Variants in VPS28 observed in about 807,000 individuals in gnomAD.
VPS28 encodes the protein vacuolar protein sorting-associated protein 28 homolog.
A neutral mutation model predicts 33.7 loss-of-function variants in VPS28; 29 were observed. That is an observed-to-expected ratio of 0.86 (90% CI 0.64 to 1.17). The LOEUF (loss-of-function observed/expected upper bound fraction) is 1.17. VPS28 is among the 50% of genes most tolerant of loss of function. VPS28 has a pLI of 0.00. For missense variants in VPS28, 247 were observed against 312.2 expected, an observed-to-expected ratio of 0.79 and a Z score of 1.57; for synonymous variants, 164 against 116.7, an observed-to-expected ratio of 1.40 and a Z score of -2.61.
chr8:144,425,102 C>A, intron 5 of VPS28, 51 bp from the exon 6 acceptor site: 2 of 1,495,400 alleles, frequency 1.3e-6, no homozygotes, highest in South Asian at 2.4e-5. Flanking sequence ...CCACCCAGCT[C>A]ATCCTACCCC....
In VPS28 at chr8:144,423,930, T is replaced by G; in HGVS notation, c.549-8A>C. 1.2e-6 allele frequency: 2 copies of G among 1,612,964 alleles called. No individual in the cohort carries two copies. Among genetic ancestry groups the G allele is most frequent in the Non-Finnish European group, 8.5e-7 (1 of 1,179,966 alleles). On this transcript the variant is annotated splice_polypyrimidine_tract_variant and splice_region_variant and intron_variant, in intron 9 of 9. Transcript: ENST00000292510. Reference sequence around the variant, plus strand: ...CCGCTCAGGGTCTGCAGCCTGGGAGTGCAGCACAGGGCATGTGGGGGCTGA... The same window carrying G: ...CCGCTCAGGGTCTGCAGCCTGGGAGGGCAGCACAGGGCATGTGGGGGCTGA...
At position 144,423,924 on chromosome 8, in the gene VPS28, T is replaced by C; in HGVS notation, c.549-2A>G. The C allele has an allele frequency of 6.2e-7, 1 of 1,613,080 alleles. No homozygotes were observed. Among genetic ancestry groups the C allele is most frequent in the East Asian group, 2.2e-5 (1 of 44,886 alleles). ...GACATGCCGCTCAGGGTCTGCAGCCTGGGAGTGCAGCACAGGGCATGTGGG... is the reference window on the plus strand; with the variant it reads ...GACATGCCGCTCAGGGTCTGCAGCCCGGGAGTGCAGCACAGGGCATGTGGG... On this transcript the variant is annotated splice_acceptor_variant, in intron 9 of 9. Transcript: ENST00000292510. LOFTEE classifies it high-confidence loss of function.
At chr8:144,425,397 G>A in intron 5 of VPS28, 1 of 564,208 alleles carries the variant, frequency 1.8e-6, no homozygotes. Context: ...CCCCCCAAAA[G>A]ATCCTGGGAC....
rs189637869 is a variant in VPS28 at position 144,424,655 on chromosome 8, G to A, written c.402+63C>T. ...TCTGGAGGCCCAGGACCCTACGCTC[G>A]TGCCCAGCTGCAGCAGGCAGCCTCG... is the stretch of plus-strand genomic sequence containing the variant. On this transcript the variant is annotated intron_variant, in intron 7 of 9. Transcript: ENST00000292510. 3.3e-5 allele frequency: 52 copies of A among 1,557,884 alleles called. No individual in the cohort carries two copies. In the East Asian group the frequency reaches 5.6e-4, roughly 17 times the overall value.
chr8:144,425,193 G>A (rs1469231640), intron 5 of VPS28, 142 bp from the exon 6 acceptor site: 3 of 708,580 alleles, frequency 4.2e-6, no homozygotes, highest in African/African-American at 1.8e-5. Flanking sequence ...AGGAGGGGCT[G>A]CTAGTAGCTT....
At chr8:144,424,521 C>A (rs567985123) in intron 7 of VPS28, 197 bp downstream of exon 7, 2 of 790,078 alleles carry the variant, frequency 2.5e-6, no homozygotes, top group African/African-American at 1.7e-5. Flanking sequence ...CTGTGCTCAT[C>A]CCCCCGACAG....
intron 2 of VPS28, 25 bp downstream of exon 2, chr8:144,426,884 C>T: frequency 1.9e-6 from 3 of 1,611,872 alleles, no homozygotes; most frequent in Non-Finnish European, 2.5e-6. Flanking sequence ...CGGCTGAAAG[C>T]CTGCGCCCTT....
rs115989365 is a variant in VPS28 at position 144,425,741 on chromosome 8, C to G, written c.136G>C (p.Val46Leu). The change falls in exon 5 of 10, where the codon GTG (valine) becomes CTG (leucine). Residue 46 changes from valine (V) to leucine (L), a missense_variant. By Grantham distance (32) the Val-to-Leu change is conservative. Transcript: ENST00000292510. Reference sequence around the variant, plus strand: ...TTCTCCAGGGCTTGCATTGTCTTCACCACCGCAAACAGCTCTGCCATGTTG... The same window carrying G: ...TTCTCCAGGGCTTGCATTGTCTTCAGCACCGCAAACAGCTCTGCCATGTTG... ...YDNMAELFAVVKTMQALEKAY... is the reference protein window; with the variant it reads ...YDNMAELFAVLKTMQALEKAY... 6.2e-7 allele frequency: 1 copy of G among 1,613,958 alleles called. No individual in the cohort carries two copies. The highest frequency in any genetic ancestry group is 8.5e-7 in the Non-Finnish European group (1 of 1,179,942).
Position 144,423,622 on chromosome 8 carries a change from T to C in VPS28, c.*183A>G. 1.3e-6 allele frequency: 1 copy of C among 749,560 alleles called. No individual in the cohort carries two copies. The highest frequency in any genetic ancestry group is 2.7e-5 in the East Asian group (1 of 37,146). The allele number at this position is 749,560 out of a possible 1,614,324, so 46.4% of individuals were successfully genotyped here. A position where few individuals can be genotyped will look rare whatever the true frequency, so the allele number is the denominator to read the frequency against. Reference sequence around the variant, plus strand: ...TGGGGGAGCCACCCAAGCAGGAAGGTCGGAGAGCATCTTTATTGTGGGGAG... The same window carrying C: ...TGGGGGAGCCACCCAAGCAGGAAGGCCGGAGAGCATCTTTATTGTGGGGAG... On this transcript the variant is annotated 3_prime_UTR_variant, in exon 10 of 10. Transcript: ENST00000292510.
Position 144,424,074 on chromosome 8 carries a change from G to T in VPS28, c.515C>A (p.Pro172His), listed in dbSNP as rs1276042230. 3 of 1,565,578 alleles carry T rather than the reference G, an allele frequency of 1.9e-6. No individual in the cohort carries two copies. The highest frequency in any genetic ancestry group is 1.4e-5 in the African/African-American group (1 of 74,072). ...GACCGTCTGGCGGCCCTCAAAGTCG[G>T]GTGGGAGGTGGCTCATGCGGTGCAT... ...ETMHRMSHLPPDFEGRQTVSQ... is the reference protein window; with the variant it reads ...ETMHRMSHLPHDFEGRQTVSQ... The change falls in exon 9 of 10, where the codon CCC becomes CAC. Residue 172 changes from proline to histidine, a missense_variant. By Grantham distance (77) the Pro-to-His change is moderately conservative. Transcript: ENST00000292510.
In VPS28 at chr8:144,423,686, C is replaced by T. The variant is rs1428975295; in HGVS notation, c.*119G>A. 3.8e-6 allele frequency: 5 copies of T among 1,327,250 alleles called. No homozygotes were observed. The South Asian group carries it at 6.5e-5, about 17-fold the overall frequency. 82.2% of individuals were successfully genotyped at this position (1,327,250 alleles called of 1,614,324 possible). ...AAAGTTCTGACACCAAAGACAGACA[C>T]CAGACAGGCAGCTGCAGACAGTGAG... On this transcript the variant is annotated 3_prime_UTR_variant, in exon 10 of 10. Coordinates refer to ENST00000292510, the MANE Select transcript of VPS28 (RefSeq NM_016208.4).
At chr8:144,424,916 C>T in intron 6 of VPS28, 30 bp downstream of exon 6, 1 of 1,605,054 alleles carries the variant, frequency 6.2e-7, no homozygotes, top group Non-Finnish European at 8.5e-7. Context: ...ACAGTCTCGC[C>T]CCATGGGGGT....
chr8:144,424,195 T>G lies in VPS28; in HGVS notation c.456+20A>C. 1 of 1,582,330 alleles carries G rather than the reference T, an allele frequency of 6.3e-7. No homozygotes were observed. The highest frequency in any genetic ancestry group is 8.6e-7 in the Non-Finnish European group (1 of 1,163,160). ...TCCATCCCCTCCTGCCTAGGCCCCC[T>G]GCCAGCCCAATACCCGCACCTCATC... On this transcript the variant is annotated intron_variant, in intron 8 of 9. Coordinates refer to ENST00000292510, the MANE Select transcript of VPS28 (RefSeq NM_016208.4).
intron 5 of VPS28, 163 bp downstream of exon 5, chr8:144,425,520 C>T: frequency 1.5e-6 from 1 of 686,728 alleles, no homozygotes; most frequent in Non-Finnish European, 2.4e-6. Flanking sequence ...CCCTCACCAG[C>T]CCCCAGGACT....
In VPS28 at chr8:144,423,700, GCAGA is replaced by G; in HGVS notation, c.*101_*104del. 1 of 1,418,350 alleles carries G rather than the reference GCAGA, an allele frequency of 7.1e-7. No individual in the cohort carries two copies. The highest frequency in any genetic ancestry group is 1.2e-5 in the South Asian group (1 of 82,250). The allele number at this position is 1,418,350 out of a possible 1,614,324, so 87.9% of individuals were successfully genotyped here. ...AAAGACAGACACCAGACAGGCAGCT[GCAGA>G]CAGTGAGTTGTGTGGATGACCACGG... On this transcript the variant is annotated 3_prime_UTR_variant, in exon 10 of 10. Transcript: ENST00000292510.
rs1564719521 is a variant in VPS28, at chr8:144,425,778, GAC to G, written c.105-8_105-7del. 1.2e-6 allele frequency: 2 copies of G among 1,613,706 alleles called. No individual in the cohort carries two copies. Among genetic ancestry groups the G allele is most frequent in the African/African-American group, 2.7e-5 (2 of 74,922 alleles). On this transcript the variant is annotated splice_region_variant and splice_polypyrimidine_tract_variant and intron_variant, in intron 4 of 9. Coordinates refer to ENST00000292510, the MANE Select transcript of VPS28 (RefSeq NM_016208.4). ...GCTCTGCCATGTTGTCGTACCTGAGGACACACCTGTCTATCGGGCCAGGCCCC... is the reference window on the plus strand; with the variant it reads ...GCTCTGCCATGTTGTCGTACCTGAGGACACCTGTCTATCGGGCCAGGCCCC...
chr8:144,426,554 G>A, intron 2 of VPS28: 1 of 433,702 alleles, frequency 2.3e-6, no homozygotes, highest in Non-Finnish European at 4.2e-6. Flanking sequence ...TGGCTCCCTG[G>A]CGGAGTCACC....
Position 144,424,085 on chromosome 8 carries a change from G to C in VPS28, c.504C>G (p.Ser168Arg), listed in dbSNP as rs1361363582. Residue 168 changes from serine to arginine, a missense_variant, in exon 9 of 10, where the codon AGC (serine) becomes AGG (arginine). This residue lies in a region of VPS28 where 95 missense variants were observed against 118.3 expected (regional missense o/e 0.80). Transcript: ENST00000292510. ...RELMETMHRM[S>R]HLPPDFEGRQ... The stretch of plus-strand genomic sequence containing the variant: ...GGCCCTCAAAGTCGGGTGGGAGGTG[G>C]CTCATGCGGTGCATGGTCTCCATCA... 1.9e-6 allele frequency: 3 copies of C among 1,561,656 alleles called. 1 individual carries two copies. In the African/African-American group the frequency reaches 4.1e-5, roughly 21 times the overall value.
chr8:144,426,456 CGGGGG>C (rs1554876812), intron 2 of VPS28: 26 of 507,412 alleles, frequency 5.1e-5, no homozygotes, highest in East Asian at 3.8e-4. Flanking sequence ...TGCGGCTCCC[CGGGGG>C]ACCGCATGAC....
Sources: allele counts gnomAD v4.1 joint callset, GRCh38; gene constraint gnomAD v4.1.1; regional missense constraint gnomAD v4.1.1; transcripts MANE v1.5; gene names NCBI Gene and HGNC (gene_info 2026-07-23, HGNC 2026-07-21).